Variants in BICD1 observed in about 807,000 individuals in gnomAD.
BICD1 encodes the protein BICD cargo adaptor 1.
BICD1 carries 35 observed loss-of-function variants against 92.5 expected under a neutral mutation model. That is an observed-to-expected ratio of 0.38 (90% CI 0.29 to 0.50). The LOEUF (loss-of-function observed/expected upper bound fraction) is 0.50, where lower values mean the gene tolerates loss of function less well. BICD1 is among the 20% of genes least tolerant of loss of function. The pLI is 0.93. For synonymous variants in BICD1, 429 were observed against 465.1 expected (o/e 0.92, Z 1.00); for missense variants, 950 against 1,189.8 (o/e 0.80, Z 2.97).
At chr12:32,357,452 G>T (rs1263307620) in intron 8 of BICD1, among the ~76,000 whole-genome samples, 2 of 152,088 alleles carry the variant, frequency 1.3e-5, no homozygotes, top group African/African-American at 4.8e-5. Flanking sequence ...GGCTGTTCTT[G>T]GTTTATTTAG....
intron 2 of BICD1, among the ~76,000 whole-genome samples, chr12:32,239,799 G>A (rs1417512506): frequency 2.6e-5 from 4 of 151,564 alleles, no homozygotes; most frequent in Admixed American, 2.6e-4. Context: ...GTAGAGATGG[G>A]GTTTCACCAT....
intron 1 of BICD1, among the ~76,000 whole-genome samples, chr12:32,145,212 G>T (rs1943067821): frequency 6.6e-6 from 1 of 152,146 alleles, no homozygotes; most frequent in African/African-American, 2.4e-5. Flanking sequence ...ATAATGTTAA[G>T]TACATCCATT....
intron 2 of BICD1, among the ~76,000 whole-genome samples, chr12:32,286,131 T>C (rs991650666): frequency 2.0e-5 from 3 of 152,222 alleles, no homozygotes; most frequent in Admixed American, 1.3e-4. Context: ...TTGTTAGTGA[T>C]CCTCATTAGC....
intron 1 of BICD1, among the ~76,000 whole-genome samples, chr12:32,128,414 A>G (rs10844134): frequency 0.37 from 56,520 of 152,040 alleles, 11,717 homozygotes; most frequent in Middle Eastern, 0.57. Context: ...AGTCCCTGGA[A>G]GAATAAATGC....
chr12:32,131,177 G>GT (rs1942533221), intron 1 of BICD1, among the ~76,000 whole-genome samples: 2 of 152,126 alleles, frequency 1.3e-5, no homozygotes, highest in Admixed American at 1.3e-4. Context: ...AAGTCCAGTT[G>GT]TAAGCCTATA....
intron 3 of BICD1, among the ~76,000 whole-genome samples, chr12:32,297,162 A>G (rs1315724752): frequency 6.6e-6 from 1 of 152,158 alleles, no homozygotes; most frequent in East Asian, 1.9e-4. Flanking sequence ...TTCTTTATAG[A>G]TGCTAGCATC....
intron 3 of BICD1, among the ~76,000 whole-genome samples, chr12:32,299,875 CTAAAT>C (rs923231100): frequency 6.6e-6 from 1 of 152,062 alleles, no homozygotes; most frequent in Non-Finnish European, 1.5e-5. Context: ...GCAGTGCAAA[CTAAAT>C]TAATGTCTTC....
intron 2 of BICD1, among the ~76,000 whole-genome samples, chr12:32,270,442 A>G (rs1306718361): frequency 6.6e-6 from 1 of 152,194 alleles, no homozygotes; most frequent in Non-Finnish European, 1.5e-5. Flanking sequence ...AAACAAGTAA[A>G]AGAAGAAAAA....
intron 2 of BICD1, among the ~76,000 whole-genome samples, chr12:32,232,646 T>G (rs368932644): frequency 1.9e-4 from 29 of 152,186 alleles, no homozygotes; most frequent in African/African-American, 5.1e-4. Context: ...TGGTGTTTTA[T>G]ACATGAAGTC....
intron 5 of BICD1, chr12:32,333,225 C>T (rs932119453): frequency 6.1e-6 from 6 of 985,188 alleles, no homozygotes; most frequent in Middle Eastern, 5.2e-4. Context: ...AAACAACTGC[C>T]GTTTTTCCCC....
intron 1 of BICD1, among the ~76,000 whole-genome samples, chr12:32,173,770 A>G (rs182405980): frequency 6.6e-6 from 1 of 152,342 alleles, no homozygotes; most frequent in Non-Finnish European, 1.5e-5. Context: ...AGACTTATAT[A>G]TAGTTGCCAG....
chr12:32,115,626 G>A (rs1941864150), intron 1 of BICD1, among the ~76,000 whole-genome samples: 1 of 152,070 alleles, frequency 6.6e-6, no homozygotes, highest in African/African-American at 2.4e-5. Context: ...GTACCCTGAG[G>A]GTAGCATGGA....
rs897973322 is a variant in BICD1 at position 32,316,429 on chromosome 12, T to A, written c.1005+10307T>A. ...CCTCAGCCTCCTGAGTAGCTGGGAA[T>A]ACAGGCACGTGCCACCACGCCCAGC... On this transcript the variant is annotated intron_variant, in intron 4 of 9. Coordinates refer to ENST00000652176, the MANE Select transcript of BICD1 (RefSeq NM_001714.4). Among the ~76,000 whole-genome samples, 125 of 151,946 alleles carry A rather than the reference T, an allele frequency of 8.2e-4. 1 individual carries two copies. The highest frequency in any genetic ancestry group is 1.5e-3 in the Non-Finnish European group (104 of 67,996).
intron 2 of BICD1, among the ~76,000 whole-genome samples, chr12:32,251,425 C>A (rs889275381): frequency 1.2e-4 from 18 of 152,234 alleles, no homozygotes; most frequent in Admixed American, 9.2e-4. Flanking sequence ...TTCTGAAATG[C>A]GTCTCACTGG....
intron 1 of BICD1, among the ~76,000 whole-genome samples, chr12:32,131,792 C>A (rs1260905580): frequency 2.0e-5 from 3 of 152,178 alleles, no homozygotes; most frequent in African/African-American, 7.2e-5. Context: ...ATACCCCAGC[C>A]ATTGTTAGGT....
intron 2 of BICD1, among the ~76,000 whole-genome samples, chr12:32,280,858 G>C (rs1055524416): frequency 6.6e-6 from 1 of 152,114 alleles, no homozygotes; most frequent in Non-Finnish European, 1.5e-5. Flanking sequence ...CTCTACAGTT[G>C]GAAGGGTCTA....
chr12:32,188,593 A>T (rs1316487145), intron 1 of BICD1, among the ~76,000 whole-genome samples: 1 of 152,266 alleles, frequency 6.6e-6, no homozygotes, highest in Non-Finnish European at 1.5e-5. Flanking sequence ...GTTTGAAGAG[A>T]GACAGAGTAT....
At chr12:32,346,542 A>T (rs1382574086) in intron 8 of BICD1, among the ~76,000 whole-genome samples, 1 of 11,254 alleles carries the variant, frequency 8.9e-5, no homozygotes, top group Non-Finnish European at 1.3e-4. Flanking sequence ...ACGTGTATAT[A>T]TATATATATA....
chr12:32,310,585 G>C (rs902687478), intron 4 of BICD1, among the ~76,000 whole-genome samples: 22 of 152,196 alleles, frequency 1.4e-4, no homozygotes, highest in African/African-American at 5.3e-4. Context: ...GGGTTAGGAT[G>C]CAAAGTTAAT....
Sources: gnomAD v4.1 joint callset for allele counts (sites outside exome capture counted in the v4.1 genomes callset) on GRCh38, gnomAD v4.1.1 for gene constraint, MANE v1.5 for transcripts, NCBI Gene and HGNC (gene_info 2026-07-23, HGNC 2026-07-21) for gene names.